The following MGAT4D variants were observed in gnomAD, a reference collection of about 807,000 sequenced individuals.
MGAT4D encodes the protein MGAT4 family member D, also known as alpha-1,3-mannosyl-glycoprotein 4-beta-N-acetylglucosaminyltransferase-like protein MGAT4D.
MGAT4D carries 34 observed loss-of-function variants against 15.9 expected under a neutral mutation model. That is an observed-to-expected ratio of 2.14 (90% CI 1.62 to 2.84). The LOEUF is 2.84. Among genes scored for constraint, MGAT4D ranks in the 30% most tolerant of loss-of-function variants. MGAT4D has a pLI of 0.00. For missense variants in MGAT4D, 327 were observed against 140.2 expected (o/e 2.33, Z -6.73); for synonymous variants, 112 against 48.2 (o/e 2.33, Z -5.49).
Position 140,465,263 on chromosome 4 carries a change from G to T in MGAT4D, c.573-254C>A, listed in dbSNP as rs533547120. Among the ~76,000 whole-genome samples the T allele has an allele frequency of 1.2e-4, 18 of 152,196 alleles. No individual in the cohort carries two copies. In the South Asian group the frequency reaches 3.7e-3, roughly 32 times the overall value. The stretch of plus-strand genomic sequence containing the variant: ...TTACAGGTACTTTGACATTTTTAAA[G>T]TTTATAGCCAGATGTGTACTCTGAC... On this transcript the variant is annotated intron_variant, in intron 5 of 10. Coordinates refer to ENST00000511113, the MANE Select transcript of MGAT4D (RefSeq NM_001277353.2).
At chr4:140,484,783 C>T (rs1353986781) in intron 1 of MGAT4D, among the ~76,000 whole-genome samples, 1 of 152,108 alleles carries the variant, frequency 6.6e-6, no homozygotes, top group African/African-American at 2.4e-5. Context: ...TTTATGCAGC[C>T]AACAGACACA....
At chr4:140,443,477 A>C (rs1159629871) in intron 10 of MGAT4D, 33 bp from the exon 11 acceptor site, 2 of 516,188 alleles carry the variant, frequency 3.9e-6, no homozygotes, top group Non-Finnish European at 6.9e-6. Context: ...AACATCTAGA[A>C]ATAATATATT....
rs896298075 is a variant in MGAT4D at position 140,477,413 on chromosome 4, T to C, written c.391+2077A>G. On this transcript the variant is annotated intron_variant, in intron 3 of 10. Transcript: ENST00000511113. Reference sequence around the variant, plus strand: ...GGCCTAAGAAGTGCCCAGAACAGAGTAGAAGCTTATTAAATGAGGAGACGT... The same window carrying C: ...GGCCTAAGAAGTGCCCAGAACAGAGCAGAAGCTTATTAAATGAGGAGACGT... Among the ~76,000 whole-genome samples the C allele has an allele frequency of 2.6e-5, 4 of 152,244 alleles. No homozygotes were observed. The East Asian group carries it at 7.7e-4, about 29-fold the overall frequency.
intron 10 of MGAT4D, among the ~76,000 whole-genome samples, chr4:140,446,193 A>AG (rs1330204577): frequency 2.0e-5 from 3 of 152,172 alleles, no homozygotes; most frequent in Non-Finnish European, 4.4e-5. Flanking sequence ...AGAATGACTT[A>AG]GGGAGGAGTC....
chr4:140,484,763 G>A (rs1432679817), intron 1 of MGAT4D, among the ~76,000 whole-genome samples: 5 of 152,228 alleles, frequency 3.3e-5, no homozygotes, highest in African/African-American at 7.2e-5. Context: ...ACACTTCTCA[G>A]AAGAAGACAT....
chr4:140,470,274 G>T (rs909876609), intron 5 of MGAT4D, among the ~76,000 whole-genome samples: 1 of 152,186 alleles, frequency 6.6e-6, no homozygotes, highest in Admixed American at 6.5e-5. Flanking sequence ...TCCTCGTAAA[G>T]TTCCCCCAAC....
intron 5 of MGAT4D, among the ~76,000 whole-genome samples, chr4:140,471,106 G>C (rs955653775): frequency 2.6e-5 from 4 of 152,084 alleles, no homozygotes; most frequent in African/African-American, 9.7e-5. Context: ...TGCCCAGGCT[G>C]ATCTCGAACT....
intron 2 of MGAT4D, among the ~76,000 whole-genome samples, chr4:140,481,615 C>T (rs534216206): frequency 9.2e-5 from 14 of 152,116 alleles, no homozygotes; most frequent in Admixed American, 6.6e-4. Context: ...ATCGATACAA[C>T]GAAATGCTAC....
At chr4:140,464,453 A>C (rs564023804) in intron 6 of MGAT4D, among the ~76,000 whole-genome samples, 2 of 152,338 alleles carry the variant, frequency 1.3e-5, no homozygotes, top group East Asian at 3.9e-4. Context: ...AAGCTAAGAA[A>C]AAAAGGTGAA....
chr4:140,471,760 T>C lies in MGAT4D; in HGVS notation c.572+15A>G. 2.2e-6 allele frequency: 1 copy of C among 463,178 alleles called. No individual in the cohort carries two copies. The allele number at this position is 463,178 out of a possible 1,614,324, so 28.7% of individuals were successfully genotyped here. On this transcript the variant is annotated intron_variant, in intron 5 of 10. Transcript: ENST00000511113. ...AAAGAATGGCTAATGTAAAAATATATCAGACAGTACTTACTTTTTTGTAAT... is the reference window on the plus strand; with the variant it reads ...AAAGAATGGCTAATGTAAAAATATACCAGACAGTACTTACTTTTTTGTAAT...
In MGAT4D at chr4:140,462,890, AC is replaced by A. The variant is rs202082779; in HGVS notation, c.687-887del. Among the ~76,000 whole-genome samples, 1,268 of 152,304 alleles carry A rather than the reference AC, an allele frequency of 8.3e-3. 19 individuals carry two copies. Among genetic ancestry groups the A allele is most frequent in the African/African-American group, 0.029 (1,187 of 41,570 alleles). On this transcript the variant is annotated intron_variant, in intron 6 of 10. Transcript: ENST00000511113. ...CAGTGCCTGGAGACTCACATTGTGA[AC>A]GTTTGCTTCAAGAAACACTGCAGCA... is the stretch of plus-strand genomic sequence containing the variant.
At chr4:140,480,728 AACACACACAC>A (rs10615827) in intron 2 of MGAT4D, among the ~76,000 whole-genome samples, 20,206 of 125,464 alleles carry the variant, frequency 0.16, 1,654 homozygotes, top group African/African-American at 0.19. Context: ...CTCATCTCTA[AACACACACAC>A]ACACACACAC....
In MGAT4D at chr4:140,472,447, G is replaced by A. The variant is rs1188619149; in HGVS notation, c.526-626C>T. 2.0e-5 allele frequency among the ~76,000 whole-genome samples: 3 copies of A among 152,094 alleles called. No homozygotes were observed. The East Asian group carries it at 5.8e-4, about 29-fold the overall frequency. On this transcript the variant is annotated intron_variant, in intron 4 of 10. Transcript: ENST00000511113. The stretch of plus-strand genomic sequence containing the variant: ...CAAGATGTAGCCTCAGGGCCCATAA[G>A]CATTTCCAACACAAAATTTTGAAAA...
intron 5 of MGAT4D, among the ~76,000 whole-genome samples, chr4:140,471,030 G>A (rs1006036149): frequency 1.3e-5 from 2 of 151,890 alleles, no homozygotes; most frequent in Non-Finnish European, 1.5e-5. Flanking sequence ...GACTACAGGT[G>A]CACACCACCA....
chr4:140,470,027 C>T (rs942963407), intron 5 of MGAT4D, among the ~76,000 whole-genome samples: 2 of 152,250 alleles, frequency 1.3e-5, no homozygotes, highest in African/African-American at 4.8e-5. Context: ...CAAGGATGCG[C>T]CTCCTCTTTC....
chr4:140,482,795 A>G (rs1732832606), intron 1 of MGAT4D, among the ~76,000 whole-genome samples: 1 of 152,172 alleles, frequency 6.6e-6, no homozygotes, highest in East Asian at 1.9e-4. Context: ...CAAATTTTCC[A>G]TGGTGTGCGT....
intron 1 of MGAT4D, among the ~76,000 whole-genome samples, chr4:140,491,520 C>A (rs1733501124): frequency 6.6e-6 from 1 of 151,934 alleles, no homozygotes; most frequent in African/African-American, 2.4e-5. Flanking sequence ...AGAGGGGGAA[C>A]ATATGAAGTA....
Position 140,451,486 on chromosome 4 carries a change from C to T in MGAT4D, c.1040G>A (p.Arg347His), listed in dbSNP as rs993497563. Residue 347 changes from arginine (R) to histidine (H), a missense_variant, in exon 10 of 11, where the codon CGT becomes CAT. Transcript: ENST00000511113. ...RNCMKRKKQI[R>H]IQYKPSLFQH... The stretch of plus-strand genomic sequence containing the variant: ...GAAAAGAGAAGGTTTATACTGAATA[C>T]GTATTTGCTTCTTTCGTTTCATACA... 6 of 592,970 alleles carry T rather than the reference C, an allele frequency of 1.0e-5. No homozygotes were observed. Among genetic ancestry groups the T allele is most frequent in the African/African-American group, 3.7e-5 (2 of 54,300 alleles). The allele number at this position is 592,970 out of a possible 1,614,324, so 36.7% of individuals were successfully genotyped here.
intron 1 of MGAT4D, among the ~76,000 whole-genome samples, chr4:140,484,754 C>T (rs1361548470): frequency 6.6e-6 from 1 of 152,194 alleles, no homozygotes; most frequent in African/African-American, 2.4e-5. Context: ...TATGAACAGA[C>T]ACTTCTCAGA....
Sources: allele counts gnomAD v4.1 joint callset (sites outside exome capture counted in the v4.1 genomes callset), GRCh38; gene constraint gnomAD v4.1.1; transcripts MANE v1.5; gene names NCBI Gene and HGNC (gene_info 2026-07-23, HGNC 2026-07-21).